Variants in CAPZA1 observed in about 807,000 individuals in gnomAD.
The protein encoded by CAPZA1 is F-actin-capping protein subunit alpha-1.
A neutral mutation model predicts 40.8 loss-of-function variants in CAPZA1; 10 were observed. That is an observed-to-expected ratio of 0.25 (90% CI 0.15 to 0.42). CAPZA1 has a LOEUF of 0.42. Ranked by LOEUF, CAPZA1 falls within the 10% of genes least tolerant of loss-of-function variation. The pLI is 1.00. For synonymous variants in CAPZA1, 98 were observed against 115.0 expected (o/e 0.85, Z 0.95); for missense variants, 277 against 353.8 (o/e 0.78, Z 1.74).
At chr1:112,635,545 G>A (rs928143685) in intron 1 of CAPZA1, among the ~76,000 whole-genome samples, 2 of 135,910 alleles carry the variant, frequency 1.5e-5, no homozygotes, top group African/African-American at 5.8e-5. Context: ...GTATGTGTTT[G>A]TCAAGGACTT....
At chr1:112,637,806 C>CA (rs1218985194) in intron 1 of CAPZA1, among the ~76,000 whole-genome samples, 1 of 151,598 alleles carries the variant, frequency 6.6e-6, no homozygotes, top group East Asian at 1.9e-4. Context: ...TGGTTGAAAA[C>CA]AAAAAAAGAA....
intron 1 of CAPZA1, among the ~76,000 whole-genome samples, chr1:112,627,849 ACT>A (rs1210911326): frequency 6.7e-6 from 1 of 150,108 alleles, no homozygotes; most frequent in East Asian, 2.0e-4. Flanking sequence ...AATCCCAGCT[ACT>A]CAGCAGGCTG....
At chr1:112,664,289 GTTC>G (rs1671680455) in intron 7 of CAPZA1, among the ~76,000 whole-genome samples, 1 of 151,786 alleles carries the variant, frequency 6.6e-6, no homozygotes, top group African/African-American at 2.4e-5. Flanking sequence ...TAGGTAGGGG[GTTC>G]TTGTTATCCA....
chr1:112,643,236 T>A (rs994285155), intron 1 of CAPZA1, among the ~76,000 whole-genome samples: 2 of 152,184 alleles, frequency 1.3e-5, no homozygotes, highest in African/African-American at 4.8e-5. Flanking sequence ...TAACGGTTAG[T>A]CCTATGTAGC....
In CAPZA1 at chr1:112,670,109, G is replaced by A; in HGVS notation, c.838G>A (p.Gly280Ser). The part of the protein sequence containing the change: ...DWNKILSYKI[G>S]KEMQNA ...GAACAAGATACTCAGCTACAAGATT[G>A]GCAAAGAAATGCAGAATGCTTAAAG... The change falls in exon 10 of 10, where the codon GGC (glycine) becomes AGC (serine). Residue 280 changes from glycine (G) to serine (S), a missense_variant. Transcript: ENST00000263168. 6.2e-7 allele frequency: 1 copy of A among 1,613,906 alleles called. No individual in the cohort carries two copies. Among genetic ancestry groups the A allele is most frequent in the Non-Finnish European group, 8.5e-7 (1 of 1,179,856 alleles).
intron 1 of CAPZA1, among the ~76,000 whole-genome samples, chr1:112,638,077 A>G (rs999570629): frequency 3.9e-5 from 6 of 152,188 alleles, no homozygotes; most frequent in African/African-American, 1.4e-4. Flanking sequence ...AAGGGCTAGA[A>G]TTGTGAAGGT....
At chr1:112,624,434 C>T (rs1360550972) in intron 1 of CAPZA1, among the ~76,000 whole-genome samples, 1 of 151,926 alleles carries the variant, frequency 6.6e-6, no homozygotes, top group East Asian at 1.9e-4. Context: ...CACGGTGAAA[C>T]CCTGTCTCTA....
At chr1:112,665,113 A>G (rs1671698071) in intron 7 of CAPZA1, among the ~76,000 whole-genome samples, 2 of 150,006 alleles carry the variant, frequency 1.3e-5, no homozygotes. Context: ...CCCTCAAAAC[A>G]TTCTGTTTTG....
At chr1:112,633,060 T>C (rs12077330) in intron 1 of CAPZA1, among the ~76,000 whole-genome samples, 4,797 of 152,310 alleles carry the variant, frequency 0.031, 273 homozygotes, top group African/African-American at 0.11. Flanking sequence ...ATTTAGTTTA[T>C]TTAGAATTTT....
intron 8 of CAPZA1, among the ~76,000 whole-genome samples, chr1:112,667,439 A>G (rs1570729156): frequency 6.6e-6 from 1 of 152,200 alleles, no homozygotes; most frequent in East Asian, 1.9e-4. Flanking sequence ...AGAGCAAGGA[A>G]AGTTTACCAA....
chr1:112,662,499 T>C (rs552801940), intron 7 of CAPZA1, among the ~76,000 whole-genome samples: 7 of 147,002 alleles, frequency 4.8e-5, no homozygotes, highest in South Asian at 2.3e-4. Context: ...CCCGGGTTCA[T>C]GCCATTCTCC....
chr1:112,641,558 A>T (rs1671162945), intron 1 of CAPZA1, among the ~76,000 whole-genome samples: 1 of 152,054 alleles, frequency 6.6e-6, no homozygotes, highest in Admixed American at 6.5e-5. Flanking sequence ...TTAAAAACTG[A>T]ATTTTTTTTT....
chr1:112,653,812 C>G (rs1671447302), intron 4 of CAPZA1, 151 bp downstream of exon 4: 1 of 567,426 alleles, frequency 1.8e-6, no homozygotes, highest in Non-Finnish European at 3.1e-6. Flanking sequence ...ATATTCTTCT[C>G]TTTCTCATAA....
At chr1:112,623,753 C>T (rs1314894171) in intron 1 of CAPZA1, among the ~76,000 whole-genome samples, 25 of 150,866 alleles carry the variant, frequency 1.7e-4, no homozygotes, top group Admixed American at 2.6e-4. Flanking sequence ...TTTGGGAGGC[C>T]GAGGCGGGTG....
intron 1 of CAPZA1, among the ~76,000 whole-genome samples, chr1:112,628,806 G>A (rs1177248064): frequency 6.6e-6 from 1 of 152,144 alleles, no homozygotes; most frequent in Non-Finnish European, 1.5e-5. Flanking sequence ...AAACATTAGT[G>A]TTATCTTTGA....
intron 1 of CAPZA1, among the ~76,000 whole-genome samples, chr1:112,633,115 T>C (rs1281142845): frequency 6.6e-6 from 1 of 152,234 alleles, no homozygotes; most frequent in African/African-American, 2.4e-5. Flanking sequence ...AAACCAGTAC[T>C]GTATACATTA....
intron 2 of CAPZA1, among the ~76,000 whole-genome samples, chr1:112,647,754 TG>T (rs1391093023): frequency 3.3e-5 from 5 of 152,192 alleles, no homozygotes; most frequent in Admixed American, 6.5e-5. Flanking sequence ...AGATCTGAGG[TG>T]GAACTGGTTA....
chr1:112,654,130 CATA>C (rs1671452361), intron 4 of CAPZA1, among the ~76,000 whole-genome samples: 1 of 151,702 alleles, frequency 6.6e-6, no homozygotes, highest in Admixed American at 6.6e-5. Context: ...CCTAAAGTTT[CATA>C]ATGACTCTGG....
intron 1 of CAPZA1, among the ~76,000 whole-genome samples, chr1:112,624,446 T>TA (rs1333110777): frequency 1.3e-5 from 2 of 151,602 alleles, no homozygotes; most frequent in Non-Finnish European, 2.9e-5. Context: ...CTGTCTCTAT[T>TA]AAAAATACAA....
Sources: gnomAD v4.1 joint callset for allele counts (sites outside exome capture counted in the v4.1 genomes callset) on GRCh38, gnomAD v4.1.1 for gene constraint, MANE v1.5 for transcripts, NCBI Gene and HGNC (gene_info 2026-07-23, HGNC 2026-07-21) for gene names.